The following MGST2 variants were observed in gnomAD, a reference collection of about 807,000 sequenced individuals.
MGST2 encodes the protein microsomal glutathione S-transferase 2, also known as glutathione peroxidase MGST2.
Under a neutral mutation model 16.6 loss-of-function variants are expected in MGST2, and 9 were observed. The observed-to-expected ratio is 0.54, with a 90% CI of 0.33 to 0.95. The LOEUF (loss-of-function observed/expected upper bound fraction) is 0.95. Among genes scored for constraint, MGST2 ranks in the 40% least tolerant of loss-of-function variants. The pLI is 0.03. For synonymous variants in MGST2, 79 were observed against 68.0 expected (o/e 1.16, Z -0.79); for missense variants, 159 against 175.1 (o/e 0.91, Z 0.52).
intron 5 of MGST2, among the ~76,000 whole-genome samples, chr4:139,729,741 T>G (rs963439373): frequency 6.6e-6 from 1 of 152,222 alleles, no homozygotes; most frequent in African/African-American, 2.4e-5. Context: ...CAGGGAAGGC[T>G]TTCTCTCAAA....
rs185114605 is a variant in MGST2 at position 139,734,663 on chromosome 4, C to T, written c.*49-5549C>T. 2.5e-3 allele frequency among the ~76,000 whole-genome samples: 386 copies of T among 152,334 alleles called. 1 individual carries two copies. The highest frequency in any genetic ancestry group is 4.2e-3 in the Admixed American group (64 of 15,310). On this transcript the variant is annotated intron_variant, in intron 5 of 5. Coordinates refer to the MGST2 transcript ENST00000616265. Reference sequence around the variant, plus strand: ...TTACCTCCCCCAAACAGGCAGTTTTCGACTTCAAAAAACAGTTGTGGTAAA... The same window carrying T: ...TTACCTCCCCCAAACAGGCAGTTTTTGACTTCAAAAAACAGTTGTGGTAAA...
At chr4:139,750,448 GA>G in the MGST2 span, among the ~76,000 whole-genome samples, 1 of 152,340 alleles carries the variant, frequency 6.6e-6, no homozygotes, top group South Asian at 2.1e-4. Context: ...GTGGACTCTA[GA>G]AATGGCCTTT....
chr4:139,693,764 C>T (rs1329637174), intron 2 of MGST2, among the ~76,000 whole-genome samples: 2 of 152,186 alleles, frequency 1.3e-5, no homozygotes, highest in African/African-American at 2.4e-5. Context: ...TTAGACAAGA[C>T]ATTCCTTGGG....
the MGST2 span, among the ~76,000 whole-genome samples, chr4:139,746,605 C>T: frequency 1.6e-4 from 25 of 152,276 alleles, no homozygotes; most frequent in East Asian, 4.8e-3. Flanking sequence ...GTCTCTCTCG[C>T]TCTGCGGGCC....
intron 5 of MGST2, among the ~76,000 whole-genome samples, chr4:139,738,275 G>A (rs1729023054): frequency 6.6e-6 from 1 of 152,228 alleles, no homozygotes; most frequent in Non-Finnish European, 1.5e-5. Context: ...CAGGCATGGT[G>A]GCTCACGCCT....
rs112859978 is a variant in MGST2, at chr4:139,725,181, C to T, written c.*49-15031C>T. Among the ~76,000 whole-genome samples the T allele has an allele frequency of 6.6e-5, 10 of 152,288 alleles. 1 individual carries two copies. Among genetic ancestry groups the T allele is most frequent in the African/African-American group, 1.4e-4 (6 of 41,562 alleles). On this transcript the variant is annotated intron_variant, in intron 5 of 5. Coordinates refer to the MGST2 transcript ENST00000616265. ...CTACTAGGTCATGATTTAGGATTCC[C>T]GCAAACGGCTACAGGATCAGTTCAA... is the stretch of plus-strand genomic sequence containing the variant.
chr4:139,748,262 A>G, the MGST2 span, among the ~76,000 whole-genome samples: 1 of 152,068 alleles, frequency 6.6e-6, no homozygotes, highest in African/African-American at 2.4e-5. Flanking sequence ...GAGCCATAAG[A>G]GAAGACACTC....
chr4:139,725,072 A>G (rs1728411222), intron 5 of MGST2, among the ~76,000 whole-genome samples: 1 of 152,120 alleles, frequency 6.6e-6, no homozygotes, highest in East Asian at 1.9e-4. Flanking sequence ...GGCTCTCTCT[A>G]TTAGAGATGG....
intron 2 of MGST2, chr4:139,685,357 G>T: frequency 6.1e-6 from 1 of 162,754 alleles, no homozygotes. Context: ...CGCCTAGCCA[G>T]CCAGATCAGC....
chr4:139,672,113 A>G (rs1332630562), intron 1 of MGST2, among the ~76,000 whole-genome samples: 3 of 152,108 alleles, frequency 2.0e-5, no homozygotes, highest in Non-Finnish European at 4.4e-5. Flanking sequence ...CATTTACTGA[A>G]GCTCATTCCT....
At chr4:139,688,226 C>T (rs979035437) in intron 2 of MGST2, among the ~76,000 whole-genome samples, 7 of 152,060 alleles carry the variant, frequency 4.6e-5, no homozygotes, top group Admixed American at 3.3e-4. Flanking sequence ...AGCTTTTTTT[C>T]TCCAACCATT....
chr4:139,751,221 C>G, the MGST2 span, among the ~76,000 whole-genome samples: 1 of 152,170 alleles, frequency 6.6e-6, no homozygotes, highest in Non-Finnish European at 1.5e-5. Flanking sequence ...TTCTAGGAGA[C>G]TACTATGATA....
chr4:139,684,374 A>G (rs8192074), intron 2 of MGST2, among the ~76,000 whole-genome samples: 5,742 of 152,268 alleles, frequency 0.038, 148 homozygotes, highest in African/African-American at 0.067. Flanking sequence ...CAGCCAAACC[A>G]TATCAGTAGG....
At chr4:139,727,662 G>C (rs1191837415) in intron 5 of MGST2, among the ~76,000 whole-genome samples, 1 of 152,220 alleles carries the variant, frequency 6.6e-6, no homozygotes, top group Non-Finnish European at 1.5e-5. Flanking sequence ...GAGAGGTTAT[G>C]TGCTTTGAAC....
intron 5 of MGST2, among the ~76,000 whole-genome samples, chr4:139,739,397 T>C (rs1049091709): frequency 6.6e-6 from 1 of 152,216 alleles, no homozygotes; most frequent in Non-Finnish European, 1.5e-5. Flanking sequence ...CATAAGTCCC[T>C]CCAATGGAAA....
chr4:139,742,059 G>A (rs1467784736), downstream of MGST2, among the ~76,000 whole-genome samples: 3 of 151,846 alleles, frequency 2.0e-5, no homozygotes, highest in East Asian at 1.9e-4. Context: ...TTGACTCCAC[G>A]CCACACATAC....
chr4:139,688,268 TTTAATA>T (rs1726361539), intron 2 of MGST2, among the ~76,000 whole-genome samples: 1 of 152,210 alleles, frequency 6.6e-6, no homozygotes, highest in Non-Finnish European at 1.5e-5. Flanking sequence ...GACAAAAATT[TTTAATA>T]TTATTTCTAA....
chr4:139,693,970 A>C (rs1443275547), intron 2 of MGST2, among the ~76,000 whole-genome samples: 1 of 152,082 alleles, frequency 6.6e-6, no homozygotes, highest in Non-Finnish European at 1.5e-5. Context: ...TCAGGACTCT[A>C]CCTCAGCCAT....
At chr4:139,680,974 G>A (rs752653818) in intron 2 of MGST2, among the ~76,000 whole-genome samples, 17 of 152,030 alleles carry the variant, frequency 1.1e-4, no homozygotes, top group Non-Finnish European at 1.6e-4. Context: ...CTCAACCCCA[G>A]GTGAGGCCTT....
Sources: gnomAD v4.1 joint callset for allele counts (sites outside exome capture counted in the v4.1 genomes callset) on GRCh38, gnomAD v4.1.1 for gene constraint, MANE v1.5 for transcripts, NCBI Gene and HGNC (gene_info 2026-07-23, HGNC 2026-07-21) for gene names.